Variants in PCDH11X observed in about 807,000 individuals in gnomAD.
The protein encoded by PCDH11X is protocadherin 11 X-linked, also known as protocadherin-11 X-linked.
PCDH11X carries 18 observed loss-of-function variants against 53.3 expected under a neutral mutation model. The observed-to-expected ratio is 0.34, with a 90% CI of 0.23 to 0.50. The LOEUF is 0.50. Among genes scored for constraint, PCDH11X ranks in the 20% least tolerant of loss-of-function variants. The pLI, the probability that PCDH11X is intolerant of heterozygous loss-of-function variation, is 0.98. For missense variants in PCDH11X, 570 were observed against 1,032.4 expected, an observed-to-expected ratio of 0.55 and a Z score of 6.14; for synonymous variants, 279 against 393.3, an observed-to-expected ratio of 0.71 and a Z score of 3.44.
rs768081557 is a variant in PCDH11X at position 92,487,002 on chromosome X, A to T, written c.3367+18680A>T. On this transcript the variant is annotated intron_variant, in intron 10 of 10. Transcript: ENST00000682573. ...TGCTTTTCTTAGCAAAGCTTAACTG[A>T]CATGACAAATATATAGTTTTTTATT... Among the ~76,000 whole-genome samples the T allele has an allele frequency of 1.1e-4, 12 of 105,386 alleles. No homozygotes were observed. The East Asian group carries it at 2.4e-3, about 21-fold the overall frequency. The allele number at this position is 105,386 out of a possible 115,157, so 91.5% of individuals were successfully genotyped here.
At chrX:92,453,103 A>G (rs1254050889) in intron 9 of PCDH11X, among the ~76,000 whole-genome samples, 25 of 105,543 alleles carry the variant, frequency 2.4e-4, no homozygotes, top group Non-Finnish European at 4.6e-4. Context: ...CTGTCTTATA[A>G]ATGTAACCGG....
At chrX:92,081,578 A>T (rs1481516006) in intron 6 of PCDH11X, among the ~76,000 whole-genome samples, 1 of 110,511 alleles carries the variant, frequency 9.0e-6, no homozygotes, top group Non-Finnish European at 1.9e-5. Flanking sequence ...AATAACTTGA[A>T]GCTTAATTGG....
intron 8 of PCDH11X, among the ~76,000 whole-genome samples, chrX:92,275,243 A>G (rs1215506131): frequency 3.9e-5 from 4 of 102,818 alleles, no homozygotes; most frequent in Non-Finnish European, 8.1e-5. Flanking sequence ...CTTGTGTAAG[A>G]ATTCTGACCG....
chrX:92,045,516 A>G (rs1478081180), intron 6 of PCDH11X, among the ~76,000 whole-genome samples: 3 of 109,153 alleles, frequency 2.7e-5, no homozygotes, highest in African/African-American at 1.0e-4. Context: ...CAAATCAAAT[A>G]GTTCAGTTTC....
Position 91,877,978 on chromosome X carries a change from C to G in PCDH11X, c.1738C>G (p.Pro580Ala). The G allele has an allele frequency of 8.3e-7, 1 of 1,211,066 alleles. No homozygotes were observed. Among genetic ancestry groups the G allele is most frequent in the Non-Finnish European group, 1.1e-6 (1 of 895,326 alleles). ...TCACAATGAATACAACTTCTATGTCCCAGAAAACCTTCCAAGGCATGGTAC... is the reference window on the plus strand; with the variant it reads ...TCACAATGAATACAACTTCTATGTCGCAGAAAACCTTCCAAGGCATGGTAC... ...FTHNEYNFYV[P>A]ENLPRHGTVG... is the part of the protein sequence containing the mutation. Residue 580 changes from proline to alanine, a missense_variant, in exon 6 of 11, where the codon CCA becomes GCA. Physicochemically the swap from Pro to Ala is conservative, Grantham distance 27. Coordinates refer to ENST00000682573, the MANE Select transcript of PCDH11X (RefSeq NM_032968.5).
intron 9 of PCDH11X, among the ~76,000 whole-genome samples, chrX:92,398,843 T>C (rs1221654512): frequency 9.1e-6 from 1 of 110,319 alleles, no homozygotes; most frequent in Non-Finnish European, 1.9e-5. Context: ...GTAGCATTGT[T>C]GTATTAAATG....
chrX:92,460,099 G>T (rs2073004277), intron 9 of PCDH11X: 7 of 1,063,577 alleles, frequency 6.6e-6, no homozygotes, highest in Non-Finnish European at 9.1e-6. Context: ...AAATACTGTG[G>T]ACAATGCCTG....
At chrX:91,860,796 C>G (rs991237872) in intron 5 of PCDH11X, among the ~76,000 whole-genome samples, 1 of 112,089 alleles carries the variant, frequency 8.9e-6, no homozygotes, top group African/African-American at 3.2e-5. Context: ...ACCAGCCGTG[C>G]ATCTTGAGGA....
rs141896413 is a variant in PCDH11X, at chrX:92,103,515, G to T, written c.3034-97860G>T. Among the ~76,000 whole-genome samples, 714 of 111,545 alleles carry T rather than the reference G, an allele frequency of 6.4e-3. 4 individuals carry two copies. The highest frequency in any genetic ancestry group is 9.0e-3 in the Non-Finnish European group (477 of 52,997). Reference sequence around the variant, plus strand: ...ATCGGGCAGCATCAGTCTTCAGCCGGTAAGCCAAGAAGGAGTCAGTCAGAG... The same window carrying T: ...ATCGGGCAGCATCAGTCTTCAGCCGTTAAGCCAAGAAGGAGTCAGTCAGAG... On this transcript the variant is annotated intron_variant, in intron 6 of 10. Transcript: ENST00000682573.
intron 9 of PCDH11X, among the ~76,000 whole-genome samples, chrX:92,397,394 A>G (rs1357937711): frequency 9.2e-6 from 1 of 108,840 alleles, no homozygotes; most frequent in Non-Finnish European, 1.9e-5. Flanking sequence ...ATTTAACTGT[A>G]TTCTGTCTCT....
intron 6 of PCDH11X, among the ~76,000 whole-genome samples, chrX:92,048,816 T>C (rs2063328656): frequency 1.8e-5 from 2 of 111,504 alleles, no homozygotes; most frequent in South Asian, 7.4e-4. Flanking sequence ...CCTGAGAACA[T>C]GTGCCCAAGG....
chrX:92,237,782 T>A (rs779628290), intron 7 of PCDH11X, among the ~76,000 whole-genome samples: 1 of 111,559 alleles, frequency 9.0e-6, no homozygotes, highest in African/African-American at 3.2e-5. Flanking sequence ...TGCACCCATA[T>A]TTAATCACAG....
intron 9 of PCDH11X, among the ~76,000 whole-genome samples, chrX:92,404,272 A>G (rs927587650): frequency 1.2e-4 from 12 of 104,281 alleles, no homozygotes; most frequent in African/African-American, 3.9e-4. Context: ...GTCTACTGAG[A>G]ATGGTGACAA....
At position 91,994,399 on chromosome X, in the gene PCDH11X, C is replaced by A. The variant is rs191211753; in HGVS notation, c.3033+115126C>A. Among the ~76,000 whole-genome samples, 653 of 110,118 alleles carry A rather than the reference C, an allele frequency of 5.9e-3. 4 individuals are homozygous for A. The highest frequency in any genetic ancestry group is 0.02 in the African/African-American group (616 of 30,100). On this transcript the variant is annotated intron_variant, in intron 6 of 10. Transcript: ENST00000682573. ...ATTTCACGCTAAGAGAAACAATGTA[C>A]TATTTCTCTTTATGTCTCTAGATTA...
chrX:92,416,605 A>G (rs2071818114), intron 9 of PCDH11X, among the ~76,000 whole-genome samples: 1 of 110,515 alleles, frequency 9.0e-6, no homozygotes, highest in South Asian at 3.8e-4. Flanking sequence ...AGAGAAGTGG[A>G]GTTAAAATAT....
intron 10 of PCDH11X, among the ~76,000 whole-genome samples, chrX:92,520,477 C>CTT (rs2074352688): frequency 2.1e-5 from 1 of 46,540 alleles, no homozygotes; most frequent in Admixed American, 2.6e-4. Context: ...GTGGCTGTGG[C>CTT]ATTTTTTTTT....
At chrX:92,422,152 T>TA (rs780253784) in intron 9 of PCDH11X, among the ~76,000 whole-genome samples, 11 of 90,409 alleles carry the variant, frequency 1.2e-4, no homozygotes, top group Admixed American at 6.3e-4. Flanking sequence ...TTTTTTTTTT[T>TA]AAATTTTATT....
intron 6 of PCDH11X, among the ~76,000 whole-genome samples, chrX:92,127,378 A>C (rs1053471901): frequency 2.7e-5 from 3 of 110,755 alleles, no homozygotes; most frequent in African/African-American, 9.9e-5. Context: ...GATTGATTAT[A>C]GTATTTGGTT....
At chrX:92,299,121 C>T (rs1013409327) in intron 8 of PCDH11X, among the ~76,000 whole-genome samples, 6 of 110,654 alleles carry the variant, frequency 5.4e-5, no homozygotes, top group African/African-American at 1.6e-4. Flanking sequence ...TTTGTGGAGG[C>T]CTGCGGAGTT....
Sources: allele counts gnomAD v4.1 joint callset (sites outside exome capture counted in the v4.1 genomes callset), GRCh38; gene constraint gnomAD v4.1.1; transcripts MANE v1.5; gene names NCBI Gene and HGNC (gene_info 2026-07-23, HGNC 2026-07-21).